The following TTN variants were observed in gnomAD, a reference collection of about 807,000 sequenced individuals.
The protein encoded by TTN is connectin.
A neutral mutation model predicts 3,223.0 loss-of-function variants in TTN; 1,525 were observed. That is an observed-to-expected ratio of 0.47 (90% CI 0.45 to 0.49). The LOEUF is 0.49. Among genes scored for constraint, TTN ranks in the 20% least tolerant of loss-of-function variants. The pLI is 0.00. For synonymous variants in TTN, 14,094 were observed against 15,161.0 expected (o/e 0.93, Z 5.17); for missense variants, 40,786 against 43,424.0 (o/e 0.94, Z 5.40).
At position 178,563,598 on chromosome 2, in the gene TTN, C is replaced by A; in HGVS notation, c.82534G>T (p.Glu27512Ter). The change falls in exon 326 of 363, where the codon GAA (glutamate) becomes TAA (stop). Residue 27512 changes from glutamate to a stop codon, truncating the protein, a stop_gained. Transcript: ENST00000589042. LOFTEE classifies it high-confidence loss of function. The surrounding 1 kb of genome is among the most constrained non-coding windows in gnomAD (Gnocchi z 4.5). ...TTGCACTTGGTCCATCTAACGCCTT[C>A]CTTATCTCGTTTTTCAAGAATGTAG... ...EGYILEKRDK[E>*]GVRWTKCNKK... is the part of the protein sequence containing the mutation. The A allele has an allele frequency of 6.2e-7, 1 of 1,613,756 alleles. No individual in the cohort carries two copies. Among genetic ancestry groups the A allele is most frequent in the Non-Finnish European group, 8.5e-7 (1 of 1,179,758 alleles).
intron 304 of TTN, 26 bp from the exon 305 acceptor site, chr2:178,588,245 A>T (rs1165787519): frequency 6.6e-7 from 1 of 1,521,908 alleles, no homozygotes; most frequent in East Asian, 2.3e-5. Flanking sequence ...ACATATAGTT[A>T]ACTACTACTA....
chr2:178,748,179 C>T (rs148325035), intron 47 of TTN: 14 of 1,613,118 alleles, frequency 8.7e-6, no homozygotes, highest in Middle Eastern at 3.3e-4. Flanking sequence ...TCTATATCTG[C>T]AGATGAGGTT....
Position 178,719,437 on chromosome 2 carries a change from G to C in TTN, c.23953C>G (p.Pro7985Ala). ...SVHVSDRIVP[P>A]SFIRKLKDVN... is the part of the protein sequence containing the mutation. ...TCTTTCAGCTTGCGGATGAAGGAAG[G>C]AGGCACAATCCGATCTATGTGGGGA... The change falls in exon 83 of 363, where the codon CCT becomes GCT. Residue 7985 changes from proline to alanine, a missense_variant. Pro to Ala is a conservative substitution (Grantham distance 27). Coordinates refer to ENST00000589042, the MANE Select transcript of TTN (RefSeq NM_001267550.2). 1 of 1,612,612 alleles carries C rather than the reference G, an allele frequency of 6.2e-7. No homozygotes were observed. The highest frequency in any genetic ancestry group is 1.7e-5 in the Admixed American group (1 of 59,954).
At chr2:178,683,702 G>A (rs1193386665) in intron 133 of TTN, among the ~76,000 whole-genome samples, 1 of 151,954 alleles carries the variant, frequency 6.6e-6, no homozygotes, top group Non-Finnish European at 1.5e-5. Flanking sequence ...ATCAGAGATT[G>A]CCACATAAAG....
rs543566924 is a variant in TTN at position 178,665,668 on chromosome 2, C to T, written c.35959+40G>A. 1.8e-3 allele frequency: 2,292 copies of T among 1,289,156 alleles called. 7 individuals are homozygous for T. The highest frequency in any genetic ancestry group is 6.5e-3 in the South Asian group (277 of 42,634). 79.9% of individuals were successfully genotyped at this position (1,289,156 alleles called of 1,614,324 possible). ...CCTAGCACCCTGTACATGCTAAGCA[C>T]TCTAATAAATGAAGGAAGGAATGGC... is the stretch of plus-strand genomic sequence containing the variant. On this transcript the variant is annotated intron_variant, in intron 164 of 362. Transcript: ENST00000589042.
intron 3 of TTN, among the ~76,000 whole-genome samples, chr2:178,801,753 T>C (rs960729958): frequency 1.4e-4 from 22 of 152,236 alleles, no homozygotes; most frequent in African/African-American, 5.3e-4. Flanking sequence ...ATCAGAATTA[T>C]CTGGATGCTT....
rs765300403 is a variant in TTN at position 178,679,610 on chromosome 2, G to A, written c.33653C>T (p.Pro11218Leu). The A allele has an allele frequency of 1.7e-5, 27 of 1,610,830 alleles. No individual in the cohort carries two copies. The highest frequency in any genetic ancestry group is 2.3e-5 in the Non-Finnish European group (27 of 1,178,902). Reference protein sequence around the residue: ...PVPVPKKKEAPPAKVPEVPKK... With the variant: ...PVPVPKKKEALPAKVPEVPKK... ...GAATGGTGGTGTACCTTTTGCCGGT[G>A]GAGCTTCCTTCTTCTTGGGAACAGG... Residue 11218 changes from proline to leucine, a missense_variant, in exon 141 of 363, where the codon CCA becomes CTA. Coordinates refer to ENST00000589042, the MANE Select transcript of TTN (RefSeq NM_001267550.2).
chr2:178,589,695 A>T lies in TTN; in HGVS notation c.62030T>A (p.Ile20677Asn). The part of the protein sequence containing the change: ...DRPGEPENLH[I>N]ADKGKTFVYL... ...GACAAATGTCTTTCCTTTATCTGCA[A>T]TGTGAAGGTTTTCAGGCTCACCTGG... Residue 20677 changes from isoleucine to asparagine, a missense_variant, in exon 304 of 363, where the codon ATT (isoleucine) becomes AAT (asparagine). Transcript: ENST00000589042. 1.9e-6 allele frequency: 3 copies of T among 1,613,508 alleles called. No individual in the cohort carries two copies. Among genetic ancestry groups the T allele is most frequent in the Non-Finnish European group, 2.5e-6 (3 of 1,179,598 alleles).
In TTN at chr2:178,739,301, C is replaced by T; in HGVS notation, c.13932G>A (p.Val4644=). 1.2e-6 allele frequency: 2 copies of T among 1,613,254 alleles called. No individual in the cohort carries two copies. Among genetic ancestry groups the T allele is most frequent in the African/African-American group, 1.3e-5 (1 of 75,020 alleles). Reference sequence around the variant, plus strand: ...AACACTTGAACTTTTCATCTGAAGGCACCAGTTTATTCTCAAAATACCAAT... The same window carrying T: ...AACACTTGAACTTTTCATCTGAAGGTACCAGTTTATTCTCAAAATACCAAT... The part of the protein sequence containing the change: ...EVNWYFENKL[V]PSDEKFKCLQ... The change falls in exon 48 of 363, where the codon GTG becomes GTA. Residue 4644 remains valine (V), a synonymous_variant. Coordinates refer to ENST00000589042, the MANE Select transcript of TTN (RefSeq NM_001267550.2).
chr2:178,776,413 T>C lies in TTN; in HGVS notation c.5451A>G (p.Glu1817=), dbSNP rs1457936921. ...PEGRKGLQRI[E]ELERMAHEGA... is the part of the protein sequence containing the mutation. ...CTTCATGAGCCATTCTCTCTAATTC[T>C]TCAATTCTCTGTAAGCCTTTCCTCC... Residue 1817 remains glutamate, a synonymous_variant, in exon 28 of 363, where the codon GAA becomes GAG. Transcript: ENST00000589042. 3.1e-6 allele frequency: 5 copies of C among 1,611,598 alleles called. No homozygotes were observed. The South Asian group carries it at 5.5e-5, about 18-fold the overall frequency.
In TTN at chr2:178,773,239, A is replaced by G. The variant is rs778368221; in HGVS notation, c.7725T>C (p.Ser2575=). The G allele has an allele frequency of 6.2e-7, 1 of 1,613,856 alleles. No individual in the cohort carries two copies. Among genetic ancestry groups the G allele is most frequent in the South Asian group, 1.1e-5 (1 of 91,068 alleles). The change falls in exon 33 of 363, where the codon AGT becomes AGC. Residue 2575 remains serine (S), a synonymous_variant. Transcript: ENST00000589042. ...WNFKDKEIKP[S]SKYKIEAHGK... ...CATGTGCTTCAATTTTATATTTAGA[A>G]CTGGGCTTGATTTCCTTGTCCTTAA... is the stretch of plus-strand genomic sequence containing the variant.
At position 178,733,900 on chromosome 2, in the gene TTN, A is replaced by G. The variant is rs727505010; in HGVS notation, c.15497-8T>C. The G allele has an allele frequency of 5.7e-6, 9 of 1,577,024 alleles. No individual in the cohort carries two copies. Among genetic ancestry groups the G allele is most frequent in the Non-Finnish European group, 7.8e-6 (9 of 1,160,110 alleles). Reference sequence around the variant, plus strand: ...TTACAAAGGTTGGAGGTTCTAGTTAAGGAAAGAGAGCATATAAAACATATC... The same window carrying G: ...TTACAAAGGTTGGAGGTTCTAGTTAGGGAAAGAGAGCATATAAAACATATC... On this transcript the variant is annotated splice_region_variant and splice_polypyrimidine_tract_variant and intron_variant, in intron 52 of 362. Transcript: ENST00000589042.
Position 178,730,962 on chromosome 2 carries a change from AACATCATTTTGG to A in TTN, c.17691_17702del (p.Gln5898_Val5901del). The A allele has an allele frequency of 6.2e-7, 1 of 1,611,702 alleles. No homozygotes were observed. Among genetic ancestry groups the A allele is most frequent in the Non-Finnish European group, 8.5e-7 (1 of 1,178,386 alleles). ...TTCTAGCCTTGCAGCTGCTCCTCCC[AACATCATTTTGG>A]ACCTCGAAAGTATATTCTCCACTAT... On this transcript the variant is annotated inframe_deletion, in exon 60 of 363. Transcript: ENST00000589042.
chr2:178,568,108 G>T lies in TTN; in HGVS notation c.78024C>A (p.Val26008=). The T allele has an allele frequency of 6.2e-7, 1 of 1,613,444 alleles. No homozygotes were observed. Among genetic ancestry groups the T allele is most frequent in the Non-Finnish European group, 8.5e-7 (1 of 1,179,606 alleles). Reference sequence around the variant, plus strand: ...TGTTGACTGGTTCATGCCACTGTATGACCATGGAGTCTTTGGAAATGGCTG... The same window carrying T: ...TGTTGACTGGTTCATGCCACTGTATTACCATGGAGTCTTTGGAAATGGCTG... ...FATAISKDSM[V]IQWHEPVNNG... The change falls in exon 326 of 363, where the codon GTC becomes GTA. Residue 26008 remains valine (V), a synonymous_variant. Coordinates refer to ENST00000589042, the MANE Select transcript of TTN (RefSeq NM_001267550.2).
At chr2:178,619,414 A>G in intron 250 of TTN, 2 of 609,484 alleles carry the variant, frequency 3.3e-6, no homozygotes, top group South Asian at 2.2e-5. Flanking sequence ...CAACTGTCCA[A>G]GGCTCTGGCA....
chr2:178,600,937 T>C lies in TTN; in HGVS notation c.55967A>G (p.Glu18656Gly). ...VEDLVEGGEY[E>G]FRVKAVNAAG... ...AGCATTGACAGCTTTGACTCGGAAT[T>C]CATATTCCCCACCCTCTACTAGGTC... Residue 18656 changes from glutamate (E) to glycine (G), a missense_variant, in exon 288 of 363, where the codon GAA becomes GGA. Glu to Gly is a moderately conservative substitution (Grantham distance 98, BLOSUM62 -2). Coordinates refer to ENST00000589042, the MANE Select transcript of TTN (RefSeq NM_001267550.2). 6.2e-7 allele frequency: 1 copy of C among 1,613,006 alleles called. No homozygotes were observed. Among genetic ancestry groups the C allele is most frequent in the Non-Finnish European group, 8.5e-7 (1 of 1,179,294 alleles).
At position 178,576,300 on chromosome 2, in the gene TTN, C is replaced by T; in HGVS notation, c.69832G>A (p.Glu23278Lys). ...GCCTCGTCTCCTACTTTTTGATGCT[C>T]CACGACATAGCCAGTGATTTCAAGT... ...GGLEITGYVV[E>K]HQKVGDEAWI... is the part of the protein sequence containing the mutation. The change falls in exon 326 of 363, where the codon GAG becomes AAG. Residue 23278 changes from glutamate to lysine, a missense_variant. Glu to Lys is a moderately conservative substitution (Grantham distance 56). Coordinates refer to ENST00000589042, the MANE Select transcript of TTN (RefSeq NM_001267550.2). The surrounding 1 kb of genome is among the most constrained non-coding windows in gnomAD (Gnocchi z 4.3). 1 of 1,588,804 alleles carries T rather than the reference C, an allele frequency of 6.3e-7. No individual in the cohort carries two copies. Among genetic ancestry groups the T allele is most frequent in the Non-Finnish European group, 8.5e-7 (1 of 1,169,920 alleles).
At position 178,704,925 on chromosome 2, in the gene TTN, T is replaced by C; in HGVS notation, c.29646A>G (p.Glu9882=). Residue 9882 remains glutamate (E), a synonymous_variant, in exon 104 of 363, where the codon GAA becomes GAG. Transcript: ENST00000589042. The part of the protein sequence containing the change: ...EIERSERDEK[E]FEELVSFIQQ... ...GAATAAATGATACAAGTTCCTCAAA[T>C]TCCTTTTCGTCCCTCTCTGACCTCT... 6.2e-7 allele frequency: 1 copy of C among 1,613,322 alleles called. No homozygotes were observed. Among genetic ancestry groups the C allele is most frequent in the Non-Finnish European group, 8.5e-7 (1 of 1,179,784 alleles).
rs533651182 is a variant in TTN at position 178,539,904 on chromosome 2, C to T, written c.98161G>A (p.Val32721Ile). The change falls in exon 352 of 363, where the codon GTC (valine) becomes ATC (isoleucine). Residue 32721 changes from valine to isoleucine, a missense_variant. Val to Ile is a conservative substitution (Grantham distance 29). Coordinates refer to ENST00000589042, the MANE Select transcript of TTN (RefSeq NM_001267550.2). ...QEGIFVRQGG[V>I]IRLTIPIKGK... Reference sequence around the variant, plus strand: ...TTGATTGGTATGGTAAGTCTGATGACGCCACCTTGCCTTACAAAGATACCT... The same window carrying T: ...TTGATTGGTATGGTAAGTCTGATGATGCCACCTTGCCTTACAAAGATACCT... 32 of 1,613,730 alleles carry T rather than the reference C, an allele frequency of 2.0e-5. No homozygotes were observed. The highest frequency in any genetic ancestry group is 3.3e-4 in the Middle Eastern group (2 of 6,058).
Sources: gnomAD v4.1 joint callset for allele counts (sites outside exome capture counted in the v4.1 genomes callset) on GRCh38, gnomAD v4.1.1 for gene constraint, Gnocchi (gnomAD v3.1) non-coding constraint, MANE v1.5 for transcripts, NCBI Gene and HGNC (gene_info 2026-07-23, HGNC 2026-07-21) for gene names.